Variants in NEBL observed in about 807,000 individuals in gnomAD.
NEBL encodes the protein nebulette, also known as LIM and SH3 protein 2.
NEBL carries 122 observed loss-of-function variants against 140.2 expected under a neutral mutation model. The ratio of observed to expected loss-of-function variants is 0.87; its 90% CI spans 0.75 to 1.01. The LOEUF (loss-of-function observed/expected upper bound fraction) is 1.01. Ranked by LOEUF, NEBL falls within the 50% of genes least tolerant of loss-of-function variation. NEBL has a pLI of 0.00. For synonymous variants in NEBL, 436 were observed against 398.9 expected, an observed-to-expected ratio of 1.09 and a Z score of -1.11; for missense variants, 1,365 against 1,231.3, an observed-to-expected ratio of 1.11 and a Z score of -1.62.
intron 2 of NEBL, among the ~76,000 whole-genome samples, chr10:21,150,079 G>T (rs572793221): frequency 6.6e-6 from 1 of 152,068 alleles, no homozygotes; most frequent in Non-Finnish European, 1.5e-5. Context: ...ACTAAATAAA[G>T]GCTCCCATTG....
At chr10:21,185,470 C>T (rs1042986461) in intron 3 of NEBL, among the ~76,000 whole-genome samples, 9 of 135,806 alleles carry the variant, frequency 6.6e-5, no homozygotes, top group Admixed American at 2.2e-4. Context: ...ACTTCTCTTT[C>T]GGTTCCATTT....
At chr10:21,199,170 G>T (rs745343497) in intron 3 of NEBL, among the ~76,000 whole-genome samples, 1 of 151,522 alleles carries the variant, frequency 6.6e-6, no homozygotes, top group African/African-American at 2.4e-5. Context: ...GACGACGGGT[G>T]TGAGCCACCA....
intron 2 of NEBL, among the ~76,000 whole-genome samples, chr10:21,061,313 T>TGTAACATATTACATATTATGTGATAC (rs1835279052): frequency 1.4e-5 from 2 of 140,632 alleles, no homozygotes; most frequent in African/African-American, 5.2e-5. Context: ...TTATGTGATA[T>TGTAACATATTACATATTATGTGATAC]GTAATATATT....
intron 1 of NEBL, among the ~76,000 whole-genome samples, chr10:21,275,032 G>A (rs570788735): frequency 5.3e-5 from 8 of 152,068 alleles, no homozygotes; most frequent in South Asian, 2.1e-4. Flanking sequence ...TGAAGTTCAC[G>A]CCTGTGTTGT....
At chr10:20,956,558 G>A (rs1038543875) in intron 4 of NEBL, among the ~76,000 whole-genome samples, 5 of 152,056 alleles carry the variant, frequency 3.3e-5, no homozygotes, top group Admixed American at 6.5e-5. Flanking sequence ...ATAACTAATC[G>A]TCTATGTTAA....
chr10:21,027,479 C>T (rs1833559562), intron 2 of NEBL, among the ~76,000 whole-genome samples: 1 of 151,910 alleles, frequency 6.6e-6, no homozygotes, highest in Non-Finnish European at 1.5e-5. Context: ...AGGCAACTGC[C>T]ACCATGTCAG....
intron 3 of NEBL, among the ~76,000 whole-genome samples, chr10:20,992,191 T>C (rs1837482982): frequency 6.6e-6 from 1 of 152,246 alleles, no homozygotes; most frequent in Non-Finnish European, 1.5e-5. Context: ...AATTAAACGT[T>C]GGTTTAAAAA....
chr10:20,878,118 C>T (rs1269387359), intron 5 of NEBL, among the ~76,000 whole-genome samples: 1 of 152,108 alleles, frequency 6.6e-6, no homozygotes, highest in East Asian at 1.9e-4. Context: ...ACTACTGCCT[C>T]CAGAAAACTC....
intron 3 of NEBL, among the ~76,000 whole-genome samples, chr10:21,242,960 G>A (rs1321935664): frequency 1.3e-5 from 2 of 152,188 alleles, no homozygotes; most frequent in African/African-American, 4.8e-5. Context: ...AAATCAGGCA[G>A]TCTCCTTTGG....
chr10:20,965,933 G>A (rs937672748), intron 3 of NEBL, among the ~76,000 whole-genome samples: 8 of 152,162 alleles, frequency 5.3e-5, no homozygotes, highest in African/African-American at 1.9e-4. Flanking sequence ...GAGGAGAGAG[G>A]ACAGAATTAA....
intron 3 of NEBL, among the ~76,000 whole-genome samples, chr10:21,224,248 T>C (rs1005108893): frequency 3.3e-5 from 5 of 152,230 alleles, no homozygotes; most frequent in Non-Finnish European, 7.3e-5. Flanking sequence ...CTAGTTTTCC[T>C]AGCACTGTTT....
intron 6 of NEBL, among the ~76,000 whole-genome samples, chr10:20,869,171 G>T (rs1192301866): frequency 6.6e-6 from 1 of 152,194 alleles, no homozygotes; most frequent in South Asian, 2.1e-4. Context: ...AGTAATGATT[G>T]ATTTTAGGGT....
chr10:20,785,540 G>C lies in NEBL; in HGVS notation c.*207C>G. Reference sequence around the variant, plus strand: ...GCAGCACCAGGTGTCCAGACACAAAGATTTTTGTTTGTAGGAATTACTGAA... The same window carrying C: ...GCAGCACCAGGTGTCCAGACACAAACATTTTTGTTTGTAGGAATTACTGAA... On this transcript the variant is annotated 3_prime_UTR_variant, in exon 28 of 28. Coordinates refer to ENST00000377122, the MANE Select transcript of NEBL (RefSeq NM_006393.3). The C allele has an allele frequency of 1.6e-6, 1 of 617,768 alleles. No homozygotes were observed. Among genetic ancestry groups the C allele is most frequent in the East Asian group, 2.9e-5 (1 of 34,750 alleles). 38.3% of individuals were successfully genotyped at this position (617,768 alleles called of 1,614,324 possible).
intron 2 of NEBL, among the ~76,000 whole-genome samples, chr10:20,894,954 A>G (rs981841728): frequency 6.6e-6 from 1 of 151,200 alleles, no homozygotes; most frequent in African/African-American, 2.4e-5. Context: ...AAAAAAATTA[A>G]GGCAGAATAA....
intron 1 of NEBL, among the ~76,000 whole-genome samples, chr10:21,288,402 A>G (rs1843089999): frequency 6.6e-6 from 1 of 152,030 alleles, no homozygotes; most frequent in East Asian, 1.9e-4. Flanking sequence ...CAGGAGTCAG[A>G]GTTTGCAGTG....
At chr10:21,114,686 C>A (rs921281357) in intron 2 of NEBL, among the ~76,000 whole-genome samples, 4 of 152,000 alleles carry the variant, frequency 2.6e-5, no homozygotes, top group African/African-American at 9.7e-5. Flanking sequence ...CAGAAATATA[C>A]GTTGTCCCAT....
intron 26 of NEBL, among the ~76,000 whole-genome samples, chr10:20,802,770 G>T (rs1837236695): frequency 6.6e-6 from 1 of 152,066 alleles, no homozygotes; most frequent in South Asian, 2.1e-4. Flanking sequence ...AACGAAAACT[G>T]TGACTCTCAT....
chr10:21,110,773 C>G (rs1837967084), intron 2 of NEBL: 1 of 530,426 alleles, frequency 1.9e-6, no homozygotes, highest in East Asian at 3.8e-5. Context: ...TGAAAATGAG[C>G]ACCAATTATC....
intron 2 of NEBL, among the ~76,000 whole-genome samples, chr10:21,031,433 G>A (rs1222912245): frequency 6.6e-6 from 1 of 152,204 alleles, no homozygotes; most frequent in Non-Finnish European, 1.5e-5. Context: ...AATGAAGATT[G>A]GATGGACCAA....
Sources: gnomAD v4.1 joint callset for allele counts (sites outside exome capture counted in the v4.1 genomes callset) on GRCh38, gnomAD v4.1.1 for gene constraint, MANE v1.5 for transcripts, NCBI Gene and HGNC (gene_info 2026-07-23, HGNC 2026-07-21) for gene names.